Variants in AGBL4 observed in about 807,000 individuals in gnomAD.
The protein encoded by AGBL4 is cytosolic carboxypeptidase 6.
AGBL4 carries 58 observed loss-of-function variants against 66.4 expected under a neutral mutation model. That is an observed-to-expected ratio of 0.87 (90% CI 0.71 to 1.09). The LOEUF (loss-of-function observed/expected upper bound fraction) is 1.09, where lower values mean the gene tolerates loss of function less well. Ranked by LOEUF, AGBL4 falls within the 50% of genes least tolerant of loss-of-function variation. AGBL4 has a pLI of 0.00. For missense variants in AGBL4, 579 were observed against 631.0 expected (o/e 0.92, Z 0.88); for synonymous variants, 234 against 222.9 (o/e 1.05, Z -0.44).
intron 12 of AGBL4, among the ~76,000 whole-genome samples, chr1:48,537,615 G>A (rs1385242932): frequency 3.3e-5 from 5 of 152,116 alleles, no homozygotes; most frequent in African/African-American, 9.7e-5. Flanking sequence ...CATCTGTATC[G>A]TGAAGAGAGT....
Position 49,740,783 on chromosome 1 carries a change from A to C in AGBL4, c.158-43346T>G, listed in dbSNP as rs1041251557. ...ACTCAACTACATGGAAACTGAACAA[A>C]CTGCTCCTGAACGACTACTGGGTAC... On this transcript the variant is annotated intron_variant, in intron 2 of 13. Coordinates refer to ENST00000371839, the MANE Select transcript of AGBL4 (RefSeq NM_032785.4). 2.6e-5 allele frequency among the ~76,000 whole-genome samples: 4 copies of C among 152,224 alleles called. No homozygotes were observed. The South Asian group carries it at 8.3e-4, about 32-fold the overall frequency.
At chr1:49,799,183 A>T (rs184751013) in intron 2 of AGBL4, among the ~76,000 whole-genome samples, 73 of 152,276 alleles carry the variant, frequency 4.8e-4, no homozygotes, top group Non-Finnish European at 1.5e-5. Flanking sequence ...GGCCACACAG[A>T]GAGCTTTAAA....
intron 3 of AGBL4, among the ~76,000 whole-genome samples, chr1:49,687,655 G>A (rs1646811854): frequency 1.3e-5 from 2 of 151,930 alleles, no homozygotes; most frequent in African/African-American, 4.8e-5. Context: ...TCCTGTAGTA[G>A]TATCAGCTAC....
intron 4 of AGBL4, among the ~76,000 whole-genome samples, chr1:49,067,130 T>G (rs1324167436): frequency 6.6e-6 from 1 of 152,090 alleles, no homozygotes; most frequent in East Asian, 1.9e-4. Flanking sequence ...AGAGAAATTA[T>G]GCATTGGGCA....
intron 4 of AGBL4, among the ~76,000 whole-genome samples, chr1:49,049,790 T>C (rs1026973412): frequency 6.6e-6 from 1 of 152,056 alleles, no homozygotes. Context: ...GGCAGACTTC[T>C]GATTCCATTT....
chr1:48,988,585 G>A (rs551634754), intron 5 of AGBL4, among the ~76,000 whole-genome samples: 37 of 152,246 alleles, frequency 2.4e-4, no homozygotes, highest in African/African-American at 8.2e-4. Flanking sequence ...TCTCTTCAGA[G>A]GCAAATGTTC....
intron 1 of AGBL4, among the ~76,000 whole-genome samples, chr1:49,938,656 T>C (rs1051017508): frequency 5.3e-5 from 8 of 152,192 alleles, no homozygotes; most frequent in Non-Finnish European, 1.0e-4. Flanking sequence ...CATGATCAAG[T>C]GGGCTTCATC....
intron 2 of AGBL4, among the ~76,000 whole-genome samples, chr1:49,764,942 G>C (rs1241428705): frequency 6.6e-6 from 1 of 152,106 alleles, no homozygotes; most frequent in Non-Finnish European, 1.5e-5. Context: ...GGTGTGATAG[G>C]AAAACAGATC....
intron 5 of AGBL4, among the ~76,000 whole-genome samples, chr1:48,973,779 A>C (rs1170878169): frequency 6.6e-6 from 1 of 152,206 alleles, no homozygotes; most frequent in African/African-American, 2.4e-5. Context: ...CATAAAGGGC[A>C]CTGATTATGG....
intron 3 of AGBL4, among the ~76,000 whole-genome samples, chr1:49,485,043 G>A (rs1478394070): frequency 6.6e-6 from 1 of 152,030 alleles, no homozygotes; most frequent in African/African-American, 2.4e-5. Flanking sequence ...GGGGAAGTCA[G>A]TGTGGCGATT....
At chr1:49,254,507 A>G in intron 3 of AGBL4, among the ~76,000 whole-genome samples, 1 of 152,226 alleles carries the variant, frequency 6.6e-6, no homozygotes, top group East Asian at 1.9e-4. Context: ...GCTCAAAGAA[A>G]TATAAAATGA....
Position 49,542,625 on chromosome 1 carries a change from T to G in AGBL4, c.282+154688A>C, listed in dbSNP as rs1001372873. ...TTAAGAAACCTAACTTGTCCGGGTG[T>G]GGTGTGTCACACCTATAATTCCAGC... On this transcript the variant is annotated intron_variant, in intron 3 of 13. Coordinates refer to ENST00000371839, the MANE Select transcript of AGBL4 (RefSeq NM_032785.4). Among the ~76,000 whole-genome samples, 3 of 152,220 alleles carry G rather than the reference T, an allele frequency of 2.0e-5. No homozygotes were observed. The South Asian group carries it at 6.2e-4, about 32-fold the overall frequency.
intron 3 of AGBL4, among the ~76,000 whole-genome samples, chr1:49,638,767 G>T (rs1437175298): frequency 6.6e-6 from 1 of 152,152 alleles, no homozygotes; most frequent in Non-Finnish European, 1.5e-5. Context: ...GTGGAACCAT[G>T]AGTCCACTAA....
chr1:48,586,871 G>C (rs898646372), intron 11 of AGBL4, 133 bp downstream of exon 11: 1 of 1,178,964 alleles, frequency 8.5e-7, no homozygotes, highest in East Asian at 2.4e-5. Context: ...GCCACCAGAA[G>C]AAGAAGCACC....
chr1:48,999,745 A>C (rs1422387120), intron 5 of AGBL4, among the ~76,000 whole-genome samples: 1 of 152,016 alleles, frequency 6.6e-6, no homozygotes, highest in African/African-American at 2.4e-5. Flanking sequence ...ACTTCCAAAA[A>C]ACCAAATATG....
intron 2 of AGBL4, among the ~76,000 whole-genome samples, chr1:49,749,156 C>A (rs2147831636): frequency 6.6e-6 from 1 of 152,176 alleles, no homozygotes; most frequent in East Asian, 1.9e-4. Flanking sequence ...ACGTTTAAGT[C>A]TTTTAATCTA....
At chr1:49,233,510 A>G (rs951522557) in intron 4 of AGBL4, among the ~76,000 whole-genome samples, 2 of 152,216 alleles carry the variant, frequency 1.3e-5, no homozygotes, top group Non-Finnish European at 2.9e-5. Context: ...TTGAGGCTCT[A>G]TGACTCCAAA....
At chr1:49,930,725 A>G (rs1653251072) in intron 1 of AGBL4, among the ~76,000 whole-genome samples, 1 of 152,114 alleles carries the variant, frequency 6.6e-6, no homozygotes, top group Non-Finnish European at 1.5e-5. Flanking sequence ...TACCCACTCA[A>G]TAAGATTCTC....
chr1:48,983,276 G>C (rs986648588), intron 5 of AGBL4, among the ~76,000 whole-genome samples: 1 of 152,114 alleles, frequency 6.6e-6, no homozygotes, highest in African/African-American at 2.4e-5. Context: ...CAATGGTGCA[G>C]GTAGCAACCT....
Sources: allele counts gnomAD v4.1 joint callset (sites outside exome capture counted in the v4.1 genomes callset), GRCh38; gene constraint gnomAD v4.1.1; transcripts MANE v1.5; gene names NCBI Gene and HGNC (gene_info 2026-07-23, HGNC 2026-07-21).